The following NPAS3 variants were observed in gnomAD, a reference collection of about 807,000 sequenced individuals.
NPAS3 encodes neuronal PAS domain-containing protein 3.
Under a neutral mutation model 73.1 loss-of-function variants are expected in NPAS3, and 14 were observed. The ratio of observed to expected loss-of-function variants is 0.19; its 90% CI spans 0.13 to 0.30. The LOEUF (loss-of-function observed/expected upper bound fraction) is 0.30, where lower values mean the gene tolerates loss of function less well. Ranked by LOEUF, NPAS3 falls within the 10% of genes least tolerant of loss-of-function variation. The pLI, the probability that NPAS3 is intolerant of heterozygous loss-of-function variation, is 1.00. For synonymous variants in NPAS3, 620 were observed against 541.5 expected (o/e 1.14, Z -2.01); for missense variants, 1,096 against 1,250.0 (o/e 0.88, Z 1.86).
chr14:32,940,496 CTCTT>C (rs1170186518), intron 1 of NPAS3, among the ~76,000 whole-genome samples: 2 of 152,226 alleles, frequency 1.3e-5, no homozygotes, highest in Non-Finnish European at 2.9e-5. Flanking sequence ...AAGTGGATAT[CTCTT>C]TCTGTCTCCG....
chr14:33,696,908 T>G (rs985058816), intron 6 of NPAS3, among the ~76,000 whole-genome samples: 10 of 152,196 alleles, frequency 6.6e-5, no homozygotes, highest in Admixed American at 2.0e-4. Context: ...TACTTCTGAG[T>G]TGCCCAAATC....
Position 33,493,669 on chromosome 14 carries a change from G to T in NPAS3, c.469-66452G>T, listed in dbSNP as rs545264536. ...AATAGAGGGAGGGGCTAGCCCCTTT[G>T]CTTCCCTGTGACTAAAAACCAGCCA... is the stretch of plus-strand genomic sequence containing the variant. On this transcript the variant is annotated intron_variant, in intron 4 of 11. Coordinates refer to ENST00000356141, the Ensembl canonical transcript of NPAS3. Among the ~76,000 whole-genome samples, 6 of 152,206 alleles carry T rather than the reference G, an allele frequency of 3.9e-5. No individual in the cohort carries two copies. The South Asian group carries it at 1.2e-3, about 32-fold the overall frequency.
intron 5 of NPAS3, among the ~76,000 whole-genome samples, chr14:33,655,537 CTG>C (rs1470706325): frequency 6.6e-6 from 1 of 152,062 alleles, no homozygotes; most frequent in African/African-American, 2.4e-5. Flanking sequence ...AAATATATGA[CTG>C]TAAGAGAATG....
intron 3 of NPAS3, among the ~76,000 whole-genome samples, chr14:33,264,157 C>G (rs534324545): frequency 5.9e-5 from 9 of 151,902 alleles, no homozygotes; most frequent in African/African-American, 1.9e-4. Context: ...TCATTCTCAG[C>G]AAACGATTGC....
At chr14:33,354,628 G>T (rs553880322) in intron 3 of NPAS3, among the ~76,000 whole-genome samples, 11 of 152,174 alleles carry the variant, frequency 7.2e-5, no homozygotes, top group African/African-American at 2.7e-4. Context: ...CATCAAGATG[G>T]GCTTGTCCTA....
intron 2 of NPAS3, among the ~76,000 whole-genome samples, chr14:33,136,804 C>T (rs981344564): frequency 2.0e-5 from 3 of 152,216 alleles, no homozygotes; most frequent in Admixed American, 6.5e-5. Flanking sequence ...TTATATACTT[C>T]GTGTATCTGT....
intron 3 of NPAS3, among the ~76,000 whole-genome samples, chr14:33,342,235 T>C (rs992602701): frequency 1.9e-4 from 29 of 152,236 alleles, no homozygotes; most frequent in Non-Finnish European, 3.7e-4. Context: ...GATCATAAGC[T>C]GTGAATTGCC....
chr14:33,422,205 A>C (rs2048384091), intron 4 of NPAS3, among the ~76,000 whole-genome samples: 2 of 151,940 alleles, frequency 1.3e-5, no homozygotes, highest in Middle Eastern at 3.2e-3. Context: ...TTATATGATA[A>C]CATTTTGAGA....
chr14:33,119,170 T>C (rs1394151392), intron 2 of NPAS3, among the ~76,000 whole-genome samples: 1 of 152,112 alleles, frequency 6.6e-6, no homozygotes, highest in African/African-American at 2.4e-5. Flanking sequence ...AAGTGTTCAA[T>C]TGCAAATAAA....
chr14:33,219,419 T>C (rs1235620337), intron 3 of NPAS3, among the ~76,000 whole-genome samples: 1 of 152,224 alleles, frequency 6.6e-6, no homozygotes, highest in Non-Finnish European at 1.5e-5. Context: ...ACATTGCAGC[T>C]TTTAAACAAC....
At chr14:33,111,565 CAAAATA>C (rs2042893023) in intron 2 of NPAS3, among the ~76,000 whole-genome samples, 1 of 151,620 alleles carries the variant, frequency 6.6e-6, no homozygotes, top group East Asian at 1.9e-4. Context: ...GCAGGTTTCC[CAAAATA>C]AAAGAGATGT....
chr14:33,729,366 A>C (rs964872463), intron 6 of NPAS3, among the ~76,000 whole-genome samples: 6 of 152,168 alleles, frequency 3.9e-5, no homozygotes, highest in Non-Finnish European at 8.8e-5. Context: ...TTCTACATTA[A>C]TGCTATATGA....
intron 1 of NPAS3, among the ~76,000 whole-genome samples, chr14:33,003,326 C>G (rs142822098): frequency 6.6e-6 from 1 of 151,978 alleles, no homozygotes; most frequent in South Asian, 2.1e-4. Context: ...CAACGACCCA[C>G]TGCTGCAGAA....
chr14:33,682,937 A>T (rs1267962695), intron 6 of NPAS3, among the ~76,000 whole-genome samples: 1 of 152,126 alleles, frequency 6.6e-6, no homozygotes, highest in Non-Finnish European at 1.5e-5. Flanking sequence ...ATCCTTTGGG[A>T]CCTAATTCCT....
chr14:33,349,470 C>A (rs923381992), intron 3 of NPAS3, among the ~76,000 whole-genome samples: 1 of 152,192 alleles, frequency 6.6e-6, no homozygotes, highest in Non-Finnish European at 1.5e-5. Context: ...CCTCAAACAA[C>A]CATGATTGTT....
At chr14:33,487,176 A>ATC (rs1288266805) in intron 4 of NPAS3, among the ~76,000 whole-genome samples, 6 of 152,324 alleles carry the variant, frequency 3.9e-5, no homozygotes, top group Middle Eastern at 3.4e-3. Context: ...TTATCTTCAA[A>ATC]AATAAAGATG....
At chr14:33,516,017 C>T (rs72680191) in intron 4 of NPAS3, among the ~76,000 whole-genome samples, 7,850 of 152,180 alleles carry the variant, frequency 0.052, 252 homozygotes, top group Non-Finnish European at 0.071. Flanking sequence ...AGATAGAACA[C>T]GTCCGCACAC....
chr14:33,200,892 T>G (rs2139587307), intron 2 of NPAS3, among the ~76,000 whole-genome samples: 1 of 152,324 alleles, frequency 6.6e-6, no homozygotes, highest in East Asian at 1.9e-4. Flanking sequence ...ACTGCTTTCT[T>G]TCACCTAGTC....
At chr14:33,524,084 C>G (rs962257698) in intron 4 of NPAS3, among the ~76,000 whole-genome samples, 3 of 152,086 alleles carry the variant, frequency 2.0e-5, no homozygotes, top group Non-Finnish European at 4.4e-5. Flanking sequence ...TTTAGGTTAT[C>G]TTTTCATATT....
Sources: allele counts gnomAD v4.1 joint callset (sites outside exome capture counted in the v4.1 genomes callset), GRCh38; gene constraint gnomAD v4.1.1; transcripts MANE v1.5; gene names NCBI Gene and HGNC (gene_info 2026-07-23, HGNC 2026-07-21).